The following KLHL3 variants were observed in gnomAD, a reference collection of about 807,000 sequenced individuals.
KLHL3 encodes kelch-like protein 3.
A neutral mutation model predicts 70.5 loss-of-function variants in KLHL3; 19 were observed. The ratio of observed to expected loss-of-function variants is 0.27; its 90% CI spans 0.19 to 0.40. KLHL3 has a LOEUF of 0.40. Among genes scored for constraint, KLHL3 ranks in the 10% least tolerant of loss-of-function variants. The pLI is 1.00. For synonymous variants in KLHL3, 258 were observed against 290.3 expected, an observed-to-expected ratio of 0.89 and a Z score of 1.13; for missense variants, 512 against 771.1, an observed-to-expected ratio of 0.66 and a Z score of 3.98.
At chr5:137,625,408 G>A (rs1750434503) in intron 14 of KLHL3, among the ~76,000 whole-genome samples, 1 of 152,166 alleles carries the variant, frequency 6.6e-6, no homozygotes, top group Non-Finnish European at 1.5e-5. Flanking sequence ...TAGGAGCCTG[G>A]CACAAAGTAA....
At chr5:137,690,849 C>A (rs1033495975) in intron 5 of KLHL3, among the ~76,000 whole-genome samples, 1 of 152,014 alleles carries the variant, frequency 6.6e-6, no homozygotes, top group Admixed American at 6.6e-5. Flanking sequence ...ACAGGAGACA[C>A]GGAACAGAAT....
intron 3 of KLHL3, chr5:137,706,022 G>C (rs1409857525): frequency 2.0e-6 from 2 of 985,242 alleles, no homozygotes; most frequent in African/African-American, 3.5e-5. Context: ...GGTTGGATTG[G>C]GACACTCTCT....
At chr5:137,671,176 T>C (rs1465360313) in intron 6 of KLHL3, among the ~76,000 whole-genome samples, 1 of 152,104 alleles carries the variant, frequency 6.6e-6, no homozygotes, top group Non-Finnish European at 1.5e-5. Flanking sequence ...CAGAGTTTAC[T>C]TTTCTCCCCA....
intron 1 of KLHL3, among the ~76,000 whole-genome samples, chr5:137,727,749 C>T (rs957261247): frequency 3.3e-5 from 5 of 152,130 alleles, no homozygotes. Context: ...AGGTTAGTTT[C>T]CCCAGTTCTG....
At chr5:137,709,319 C>T (rs773691452) in intron 3 of KLHL3, among the ~76,000 whole-genome samples, 3 of 152,206 alleles carry the variant, frequency 2.0e-5, no homozygotes, top group Non-Finnish European at 2.9e-5. Flanking sequence ...TAGTAAAGCA[C>T]TGGGCCAGGT....
intron 2 of KLHL3, among the ~76,000 whole-genome samples, chr5:137,715,378 G>T (rs73790040): frequency 0.023 from 3,507 of 152,234 alleles, 125 homozygotes; most frequent in African/African-American, 0.079. Context: ...TTAACCCCTG[G>T]ATGGCAAGAT....
chr5:137,660,787 A>G (rs548525143), intron 7 of KLHL3: 1 of 152,322 alleles, frequency 6.6e-6, no homozygotes, highest in East Asian at 1.9e-4. Context: ...ATAGGCCTAC[A>G]TGGATTATCT....
At chr5:137,682,429 G>GAGAGAGAGAGAGAGAGAGAGAGAGAGAT (rs1752053543) in intron 5 of KLHL3, among the ~76,000 whole-genome samples, 1 of 151,728 alleles carries the variant, frequency 6.6e-6, no homozygotes, top group Non-Finnish European at 1.5e-5. Context: ...GAGAGAGAGA[G>GAGAGAGAGAGAGAGAGAGAGAGAGAGAT]AGAGAGGCAT....
At chr5:137,718,389 T>G (rs1376750950) in intron 2 of KLHL3, among the ~76,000 whole-genome samples, 2 of 152,108 alleles carry the variant, frequency 1.3e-5, no homozygotes, top group African/African-American at 4.8e-5. Flanking sequence ...TCCCAACATT[T>G]TGGGAGGCCA....
At chr5:137,732,856 T>C (rs1365458269) in intron 1 of KLHL3, among the ~76,000 whole-genome samples, 1 of 152,150 alleles carries the variant, frequency 6.6e-6, no homozygotes, top group African/African-American at 2.4e-5. Context: ...TTATTCCCTT[T>C]ACACAGAAGA....
chr5:137,628,123 G>A (rs1348244348), intron 13 of KLHL3, 174 bp downstream of exon 13: 2 of 706,172 alleles, frequency 2.8e-6, no homozygotes, highest in South Asian at 1.9e-5. Context: ...AGCTTTTGGG[G>A]TCTCAATTTC....
At chr5:137,678,602 C>T (rs970986751) in intron 5 of KLHL3, among the ~76,000 whole-genome samples, 2 of 152,176 alleles carry the variant, frequency 1.3e-5, no homozygotes, top group Non-Finnish European at 1.5e-5. Context: ...ACTATAGACA[C>T]AAGCCACTGC....
At chr5:137,718,982 C>T (rs1198363336) in intron 2 of KLHL3, among the ~76,000 whole-genome samples, 1 of 152,254 alleles carries the variant, frequency 6.6e-6, no homozygotes, top group Non-Finnish European at 1.5e-5. Context: ...ACTCCCCACT[C>T]AACACACACT....
In KLHL3 at chr5:137,621,598, C is replaced by A. The variant is rs1489923530; in HGVS notation, c.*500G>T. 1 of 156,444 alleles carries A rather than the reference C, an allele frequency of 6.4e-6. No homozygotes were observed. Among genetic ancestry groups the A allele is most frequent in the East Asian group, 1.9e-4 (1 of 5,348 alleles). The allele number at this position is 156,444 out of a possible 1,614,324, so 9.7% of individuals were successfully genotyped here. ...TTCTGGACATTCCCAGACTGTCCAACTGGACCTTCAGAAGAAAGCAGCTTT... is the reference window on the plus strand; with the variant it reads ...TTCTGGACATTCCCAGACTGTCCAAATGGACCTTCAGAAGAAAGCAGCTTT... On this transcript the variant is annotated 3_prime_UTR_variant, in exon 15 of 15. Transcript: ENST00000309755.
intron 12 of KLHL3, among the ~76,000 whole-genome samples, chr5:137,630,827 C>A (rs1750617002): frequency 6.6e-6 from 1 of 152,096 alleles, no homozygotes; most frequent in Admixed American, 6.5e-5. Context: ...GACTTCCAGG[C>A]AATGGCCCCA....
chr5:137,689,883 A>G (rs1008799087), intron 5 of KLHL3, among the ~76,000 whole-genome samples: 8 of 152,232 alleles, frequency 5.3e-5, no homozygotes, highest in African/African-American at 1.9e-4. Context: ...GTATCAGCCA[A>G]TTAGGGTGGG....
chr5:137,671,720 C>T (rs1751763956), intron 6 of KLHL3: 1 of 152,200 alleles, frequency 6.6e-6, no homozygotes, highest in Non-Finnish European at 1.5e-5. Flanking sequence ...CAAAAGCACA[C>T]ACGCACCACT....
intron 8 of KLHL3, among the ~76,000 whole-genome samples, chr5:137,651,354 G>C (rs1391995868): frequency 2.0e-5 from 3 of 152,176 alleles, no homozygotes; most frequent in African/African-American, 7.2e-5. Context: ...AAAAAGCAAT[G>C]AAGCCATCAC....
At chr5:137,662,181 A>C in intron 6 of KLHL3, 150 bp from the exon 7 acceptor site, 1 of 598,652 alleles carries the variant, frequency 1.7e-6, no homozygotes, top group Middle Eastern at 4.4e-4. Flanking sequence ...CATATTTAAA[A>C]TAAAAACAGA....
Sources: allele counts gnomAD v4.1 joint callset (sites outside exome capture counted in the v4.1 genomes callset), GRCh38; gene constraint gnomAD v4.1.1; transcripts MANE v1.5; gene names NCBI Gene and HGNC (gene_info 2026-07-23, HGNC 2026-07-21).